PSTPIP2: variants seen among roughly 807,000 people sequenced by gnomAD.
The protein encoded by PSTPIP2 is proline-serine-threonine phosphatase-interacting protein 2.
In PSTPIP2, 33 loss-of-function variants were observed where a neutral mutation model predicts 63.3. The ratio of observed to expected loss-of-function variants is 0.52; its 90% CI spans 0.40 to 0.70. PSTPIP2 has a LOEUF of 0.70. Among genes scored for constraint, PSTPIP2 ranks in the 30% least tolerant of loss-of-function variants. The probability of loss-of-function intolerance (pLI) is 0.00; values close to 1 mark genes in which losing one functional copy is unlikely to be tolerated. For missense variants in PSTPIP2, 312 were observed against 400.7 expected, an observed-to-expected ratio of 0.78 and a Z score of 1.89; for synonymous variants, 125 against 132.7, an observed-to-expected ratio of 0.94 and a Z score of 0.40.
In PSTPIP2 at chr18:46,037,024, G is replaced by A. The variant is rs1908006400; in HGVS notation, c.134+2923C>T. Among the ~76,000 whole-genome samples, 3 of 152,292 alleles carry A rather than the reference G, an allele frequency of 2.0e-5. No homozygotes were observed. The South Asian group carries it at 6.2e-4, about 32-fold the overall frequency. The stretch of plus-strand genomic sequence containing the variant: ...AATAAGGTATAACATTGGACAAGAG[G>A]TGGTTGTTCAAAAATAATTATTACA... On this transcript the variant is annotated intron_variant, in intron 2 of 14. Coordinates refer to ENST00000409746, the MANE Select transcript of PSTPIP2 (RefSeq NM_024430.4).
rs78355069 is a variant in PSTPIP2, at chr18:46,001,446, G to T, written c.418-1912C>A. Among the ~76,000 whole-genome samples, 329 of 151,626 alleles carry T rather than the reference G, an allele frequency of 2.2e-3. 3 individuals are homozygous for T. Among genetic ancestry groups the T allele is most frequent in the Middle Eastern group, 0.014 (4 of 294 alleles). ...TGCCCATTTTTTTAACCAATTGTTT[G>T]TTTTTTTTCTTTGCTGTTGAGTTGT... On this transcript the variant is annotated intron_variant, in intron 6 of 14. Coordinates refer to ENST00000409746, the MANE Select transcript of PSTPIP2 (RefSeq NM_024430.4).
At chr18:46,040,218 G>A in intron 1 of PSTPIP2, 171 bp from the exon 2 acceptor site, 1 of 486,884 alleles carries the variant, frequency 2.1e-6, no homozygotes, top group Admixed American at 3.8e-5. Context: ...CCCCACCCTG[G>A]AGATGAAAGA....
intron 1 of PSTPIP2, among the ~76,000 whole-genome samples, chr18:46,068,468 T>G (rs1202201855): frequency 1.3e-5 from 2 of 152,062 alleles, no homozygotes; most frequent in African/African-American, 4.8e-5. Context: ...CGGGTAATTT[T>G]TTTGTATTTT....
rs2051443082 is a variant in PSTPIP2 at position 45,983,961 on chromosome 18, A to G, written c.*1498T>C. The stretch of plus-strand genomic sequence containing the variant: ...CAGGAGTTTGAGACCAGCCTGACCA[A>G]CATGGTAAAACCCTGTCTTTACTAA... On this transcript the variant is annotated 3_prime_UTR_variant, in exon 15 of 15. Coordinates refer to ENST00000409746, the MANE Select transcript of PSTPIP2 (RefSeq NM_024430.4). 1 of 152,210 alleles carries G rather than the reference A, an allele frequency of 6.6e-6. No homozygotes were observed. Among genetic ancestry groups the G allele is most frequent in the South Asian group, 2.1e-4 (1 of 4,832 alleles). The allele number at this position is 152,210 out of a possible 1,614,324, so 9.4% of individuals were successfully genotyped here.
intron 9 of PSTPIP2, among the ~76,000 whole-genome samples, chr18:45,994,877 A>G (rs1404304267): frequency 6.6e-6 from 1 of 152,208 alleles, no homozygotes; most frequent in Non-Finnish European, 1.5e-5. Context: ...TATTTCACAT[A>G]GAATCAGAAA....
chr18:46,063,021 G>A (rs1025044789), intron 1 of PSTPIP2, among the ~76,000 whole-genome samples: 3 of 152,116 alleles, frequency 2.0e-5, no homozygotes, highest in African/African-American at 4.8e-5. Context: ...TATTTTTAGT[G>A]AGACAGCGTC....
At chr18:45,992,541 C>T (rs560172253) in intron 10 of PSTPIP2, among the ~76,000 whole-genome samples, 5 of 147,680 alleles carry the variant, frequency 3.4e-5, no homozygotes, top group East Asian at 4.1e-4. Context: ...CAACCCCAGG[C>T]GACAGTGCGA....
At chr18:46,034,942 A>G (rs1261564789) in intron 2 of PSTPIP2, among the ~76,000 whole-genome samples, 2 of 151,912 alleles carry the variant, frequency 1.3e-5, no homozygotes, top group Non-Finnish European at 2.9e-5. Flanking sequence ...GGTATGATTA[A>G]CCCTATTTTT....
chr18:46,067,187 C>A (rs1385650456), intron 1 of PSTPIP2, among the ~76,000 whole-genome samples: 1 of 152,148 alleles, frequency 6.6e-6, no homozygotes, highest in Non-Finnish European at 1.5e-5. Flanking sequence ...TGGTGTGTTT[C>A]TGGGGACCAG....
At chr18:46,003,825 C>T (rs962280341) in intron 6 of PSTPIP2, among the ~76,000 whole-genome samples, 1 of 149,626 alleles carries the variant, frequency 6.7e-6, no homozygotes, top group African/African-American at 2.5e-5. Context: ...AGTGCGATCT[C>T]GGCTCACCGC....
intron 2 of PSTPIP2, among the ~76,000 whole-genome samples, chr18:46,026,065 T>C (rs140890865): frequency 6.6e-6 from 1 of 152,326 alleles, no homozygotes; most frequent in East Asian, 1.9e-4. Flanking sequence ...TGAGAGTGTT[T>C]TTCTGAGAGT....
chr18:46,011,227 C>T lies in PSTPIP2; in HGVS notation c.308G>A (p.Arg103Lys), dbSNP rs748719226. ...CTTTTCCCTGAATTCTTCCATCTTC[C>T]TGGCCTCTTCTCTTAAACTCTGTGC... ...QLAQSLREEA[R>K]KMEEFREKQK... Residue 103 changes from arginine to lysine, a missense_variant, in exon 5 of 15, where the codon AGG becomes AAG. Transcript: ENST00000409746. 1 of 1,614,006 alleles carries T rather than the reference C, an allele frequency of 6.2e-7. No homozygotes were observed. The highest frequency in any genetic ancestry group is 1.7e-5 in the Admixed American group (1 of 60,016).
intron 1 of PSTPIP2, among the ~76,000 whole-genome samples, chr18:46,046,325 G>A (rs16978519): frequency 0.012 from 1,791 of 152,342 alleles, 37 homozygotes; most frequent in African/African-American, 0.041. Flanking sequence ...ACAGGGTTAC[G>A]GGTCCCGCTG....
chr18:46,017,384 T>C (rs1036110633), intron 3 of PSTPIP2, among the ~76,000 whole-genome samples: 1 of 151,932 alleles, frequency 6.6e-6, no homozygotes, highest in African/African-American at 2.4e-5. Flanking sequence ...GAATTTCCTT[T>C]TAATTTATCA....
intron 2 of PSTPIP2, among the ~76,000 whole-genome samples, chr18:46,035,434 A>AG (rs763011025): frequency 5.5e-5 from 1 of 18,074 alleles, no homozygotes; most frequent in Non-Finnish European, 9.9e-4. Flanking sequence ...AAAAAAAAAG[A>AG]AAAGAGAGAG....
chr18:45,997,888 A>C, intron 8 of PSTPIP2, 60 bp from the exon 9 acceptor site: 5 of 1,470,062 alleles, frequency 3.4e-6, no homozygotes, highest in Non-Finnish European at 9.4e-7. Flanking sequence ...TCGCAGATAC[A>C]CCCACAGGCT....
chr18:46,003,551 C>A (rs2051692182), intron 6 of PSTPIP2, among the ~76,000 whole-genome samples: 1 of 152,102 alleles, frequency 6.6e-6, no homozygotes, highest in Non-Finnish European at 1.5e-5. Context: ...TTAGAGAGAA[C>A]AGGTTTTTCT....
intron 1 of PSTPIP2, chr18:46,041,073 C>A: frequency 2.2e-6 from 1 of 457,130 alleles, no homozygotes; most frequent in Middle Eastern, 3.3e-4. Context: ...CACCAGTTAG[C>A]GCTATTGAGG....
intron 1 of PSTPIP2, among the ~76,000 whole-genome samples, chr18:46,051,462 A>G (rs1423456689): frequency 6.6e-6 from 1 of 152,144 alleles, no homozygotes; most frequent in Non-Finnish European, 1.5e-5. Context: ...CTACAGAGCA[A>G]GACTCTGTCT....
Sources: allele counts gnomAD v4.1 joint callset (sites outside exome capture counted in the v4.1 genomes callset), GRCh38; gene constraint gnomAD v4.1.1; transcripts MANE v1.5; gene names NCBI Gene and HGNC (gene_info 2026-07-23, HGNC 2026-07-21).